Variants in DTHD1 observed in about 807,000 individuals in gnomAD.
DTHD1 encodes death domain containing 1, also known as death domain-containing protein 1.
In DTHD1, 59 loss-of-function variants were observed where a neutral mutation model predicts 74.8. The ratio of observed to expected loss-of-function variants is 0.79; its 90% confidence interval spans 0.64 to 0.98. The LOEUF (loss-of-function observed/expected upper bound fraction) is 0.98. Among genes scored for constraint, DTHD1 ranks in the 50% least tolerant of loss-of-function variants. The probability of loss-of-function intolerance (pLI) is 0.00; values close to 1 mark genes in which losing one functional copy is unlikely to be tolerated. For synonymous variants in DTHD1, 365 were observed against 371.1 expected (o/e 0.98, Z 0.19); for missense variants, 1,051 against 1,065.4 (o/e 0.99, Z 0.19).
chr4:36,286,804 A>G (rs542342828), intron 2 of DTHD1, among the ~76,000 whole-genome samples: 1 of 152,330 alleles, frequency 6.6e-6, no homozygotes, highest in Non-Finnish European at 1.5e-5. Flanking sequence ...CTAAAACACA[A>G]TGCTAAGTAT....
intron 2 of DTHD1, among the ~76,000 whole-genome samples, 173 bp from the exon 3 acceptor site, chr4:36,290,200 T>C (rs1468415506): frequency 6.6e-6 from 1 of 152,170 alleles, no homozygotes; most frequent in South Asian, 2.1e-4. Flanking sequence ...CATTTTACCA[T>C]TGAGGAAACT....
chr4:36,317,492 G>A (rs563778461), intron 8 of DTHD1, among the ~76,000 whole-genome samples: 58 of 152,158 alleles, frequency 3.8e-4, no homozygotes, highest in African/African-American at 1.2e-3. Flanking sequence ...TTAATAATTT[G>A]TTTACATAGA....
chr4:36,328,014 A>G (rs1302098090), intron 8 of DTHD1, among the ~76,000 whole-genome samples: 1 of 152,062 alleles, frequency 6.6e-6, no homozygotes, highest in Non-Finnish European at 1.5e-5. Flanking sequence ...GTTATGAAAG[A>G]GTGATTTTCT....
intron 6 of DTHD1, among the ~76,000 whole-genome samples, chr4:36,307,575 T>C (rs73117687): frequency 0.042 from 6,448 of 152,202 alleles, 462 homozygotes; most frequent in African/African-American, 0.15. Flanking sequence ...TGTATGTGTG[T>C]GGGGAGGGTG....
chr4:36,305,318 A>G (rs1432023370), intron 5 of DTHD1, among the ~76,000 whole-genome samples: 1 of 152,204 alleles, frequency 6.6e-6, no homozygotes, highest in African/African-American at 2.4e-5. Context: ...TCACAGTTCC[A>G]TGTGGCTGGG....
Position 36,327,534 on chromosome 4 carries a change from C to T in DTHD1, c.2340+11048C>T, listed in dbSNP as rs77105771. On this transcript the variant is annotated intron_variant, in intron 8 of 9. Transcript: ENST00000639862. ...ATGGGTCAAGGATATCTGCTCTTGA[C>T]AAAATTACTTGGAATACTGAGCAAA... Among the ~76,000 whole-genome samples, 1,401 of 152,280 alleles carry T rather than the reference C, an allele frequency of 9.2e-3. 12 individuals are homozygous for T. Among genetic ancestry groups the T allele is most frequent in the African/African-American group, 0.031 (1,291 of 41,554 alleles).
intron 7 of DTHD1, among the ~76,000 whole-genome samples, chr4:36,310,792 G>A (rs1419351939): frequency 6.6e-6 from 1 of 152,118 alleles, no homozygotes; most frequent in Non-Finnish European, 1.5e-5. Context: ...TCACATACAG[G>A]ATCTCAGCAT....
Position 36,281,916 on chromosome 4 carries a change from A to C in DTHD1, c.158A>C (p.Glu53Ala), listed in dbSNP as rs1027264032. 5 of 1,317,556 alleles carry C rather than the reference A, an allele frequency of 3.8e-6. No homozygotes were observed. In the African/African-American group the frequency reaches 7.5e-5, roughly 20 times the overall value. The allele number at this position is 1,317,556 out of a possible 1,614,324, so 81.6% of individuals were successfully genotyped here. ...WMATVVFLGQ[E>A]LSSALHQLLE... ...GCCACTGTGGTCTTTCTGGGTCAGG[A>C]ACTCAGCAGTGCCCTTCACCAGCTG... The change falls in exon 1 of 10, where the codon GAA becomes GCA. Residue 53 changes from glutamate (E) to alanine (A), a missense_variant. Physicochemically the swap from Glu to Ala is moderately radical, Grantham distance 107. Transcript: ENST00000639862.
At chr4:36,329,867 C>A (rs970037165) in intron 8 of DTHD1, among the ~76,000 whole-genome samples, 1 of 152,066 alleles carries the variant, frequency 6.6e-6, no homozygotes, top group South Asian at 2.1e-4. Flanking sequence ...TGGCTGGCAA[C>A]CGAATTTAAT....
At chr4:36,299,900 A>T (rs1756659093) in intron 5 of DTHD1, among the ~76,000 whole-genome samples, 1 of 151,982 alleles carries the variant, frequency 6.6e-6, no homozygotes, top group South Asian at 2.1e-4. Flanking sequence ...AGCCCAGGAG[A>T]TTGAGGCTGC....
intron 8 of DTHD1, among the ~76,000 whole-genome samples, chr4:36,327,731 C>T (rs1251345408): frequency 6.6e-6 from 1 of 152,188 alleles, no homozygotes; most frequent in Non-Finnish European, 1.5e-5. Flanking sequence ...TCAGATTTAT[C>T]TATTCCAGAC....
At chr4:36,296,437 C>CA (rs541868068) in intron 5 of DTHD1, among the ~76,000 whole-genome samples, 232 of 148,854 alleles carry the variant, frequency 1.6e-3, no homozygotes, top group African/African-American at 5.1e-3. Context: ...AATACAAAAG[C>CA]AAAAAAAATC....
At position 36,343,771 on chromosome 4, in the gene DTHD1, G is replaced by A. The variant is rs752511379; in HGVS notation, c.2668G>A (p.Glu890Lys). ...TGCAGAAGAGCTCAAATTCAAGTGG[G>A]AAAATAAAGTGTTCACTGAACCACA... ...DLAEELKFKW[E>K]NKVFTEPQQC... Residue 890 changes from glutamate to lysine, a missense_variant, in exon 10 of 10, where the codon GAA (glutamate) becomes AAA (lysine). By Grantham distance (56) the Glu-to-Lys change is moderately conservative (BLOSUM62 1). Transcript: ENST00000639862. 106 of 1,551,276 alleles carry A rather than the reference G, an allele frequency of 6.8e-5. No individual in the cohort carries two copies. Among genetic ancestry groups the A allele is most frequent in the Middle Eastern group, 6.7e-4 (4 of 6,008 alleles).
intron 8 of DTHD1, among the ~76,000 whole-genome samples, chr4:36,337,223 A>G (rs752704812): frequency 5.9e-5 from 9 of 152,184 alleles, no homozygotes; most frequent in Non-Finnish European, 8.8e-5. Context: ...AAGGCAACGT[A>G]GAAAATCCTT....
chr4:36,340,221 GA>G, intron 9 of DTHD1, among the ~76,000 whole-genome samples: 1 of 152,300 alleles, frequency 6.6e-6, no homozygotes, highest in South Asian at 2.1e-4. Flanking sequence ...AGAAAACTAT[GA>G]AAAGTTTTAA....
At chr4:36,302,961 G>C (rs1017811088) in intron 5 of DTHD1, among the ~76,000 whole-genome samples, 2 of 152,098 alleles carry the variant, frequency 1.3e-5, no homozygotes, top group African/African-American at 4.8e-5. Flanking sequence ...TATAGAATGA[G>C]AATTTTGATG....
At chr4:36,339,559 G>T (rs993222772) in intron 9 of DTHD1, among the ~76,000 whole-genome samples, 3 of 152,090 alleles carry the variant, frequency 2.0e-5, no homozygotes, top group Admixed American at 1.3e-4. Context: ...TTGAATTTGA[G>T]GTATATATTG....
intron 8 of DTHD1, among the ~76,000 whole-genome samples, chr4:36,317,864 G>C (rs534970872): frequency 7.9e-5 from 12 of 152,298 alleles, no homozygotes; most frequent in Non-Finnish European, 1.5e-4. Flanking sequence ...GGTGTTTGTG[G>C]CATTTTATCT....
At chr4:36,323,839 T>C (rs1348170474) in intron 8 of DTHD1, among the ~76,000 whole-genome samples, 2 of 152,148 alleles carry the variant, frequency 1.3e-5, no homozygotes, top group East Asian at 1.9e-4. Context: ...ATTATGTTAA[T>C]TTTTTAACCT....
Sources: gnomAD v4.1 joint callset for allele counts (sites outside exome capture counted in the v4.1 genomes callset) on GRCh38, gnomAD v4.1.1 for gene constraint, MANE v1.5 for transcripts, NCBI Gene and HGNC (gene_info 2026-07-23, HGNC 2026-07-21) for gene names.